Variants in FAM168B observed in about 807,000 individuals in gnomAD.
FAM168B encodes the protein family with sequence similarity 168 member B.
Under a neutral mutation model 21.8 loss-of-function variants are expected in FAM168B, and 19 were observed. That is an observed-to-expected ratio of 0.87 (90% CI 0.61 to 1.28). The LOEUF (loss-of-function observed/expected upper bound fraction) is 1.28, where lower values mean the gene tolerates loss of function less well. Among genes scored for constraint, FAM168B ranks in the 50% most tolerant of loss-of-function variants. The pLI is 0.00. For synonymous variants in FAM168B, 126 were observed against 104.8 expected (o/e 1.20, Z -1.24); for missense variants, 233 against 263.1 (o/e 0.89, Z 0.79).
chr2:131,066,680 T>C (rs1383080711), intron 3 of FAM168B, among the ~76,000 whole-genome samples: 2 of 152,312 alleles, frequency 1.3e-5, no homozygotes, highest in East Asian at 3.9e-4. Flanking sequence ...GATCGTAGGC[T>C]TGGGGCTGAA....
chr2:131,079,769 G>C (rs1393287403), intron 2 of FAM168B, among the ~76,000 whole-genome samples: 1 of 151,994 alleles, frequency 6.6e-6, no homozygotes, highest in Non-Finnish European at 1.5e-5. Flanking sequence ...CAAAAGAAAA[G>C]CAAAATAAAG....
chr2:131,081,291 G>A (rs1471222091), intron 2 of FAM168B, among the ~76,000 whole-genome samples: 1 of 152,138 alleles, frequency 6.6e-6, no homozygotes, highest in African/African-American at 2.4e-5. Context: ...TGTCATGGCT[G>A]GTGCCTCTTA....
chr2:131,087,071 A>C lies in FAM168B; in HGVS notation c.-11-4414T>G, dbSNP rs1327960555. Among the ~76,000 whole-genome samples, 20 of 93,994 alleles carry C rather than the reference A, an allele frequency of 2.1e-4. 2 individuals carry two copies. Among genetic ancestry groups the C allele is most frequent in the Admixed American group, 1.8e-3 (20 of 10,954 alleles). 61.7% of individuals were successfully genotyped at this position (93,994 alleles called of 152,430 possible). A position where few individuals can be genotyped will look rare whatever the true frequency, so the allele number is the denominator to read the frequency against. On this transcript the variant is annotated intron_variant, in intron 1 of 6. Coordinates refer to ENST00000389915, the MANE Select transcript of FAM168B (RefSeq NM_001009993.4). ...ACAGCGAGACTCCGTCTCAAAAAAA[A>C]AAAAAAAAAAAAAAGAGTCACAAGA...
rs762790022 is a variant in FAM168B at position 131,052,036 on chromosome 2, T to A, written c.*429A>T. ...CTTTAACACTTATAACTGTAAGACT[T>A]TGCATACATTACAACAGTGCATTAG... On this transcript the variant is annotated 3_prime_UTR_variant, in exon 7 of 7. Coordinates refer to ENST00000389915, the MANE Select transcript of FAM168B (RefSeq NM_001009993.4). 1.0e-6 allele frequency: 1 copy of A among 985,622 alleles called. No homozygotes were observed. The highest frequency in any genetic ancestry group is 6.1e-5 in the Admixed American group (1 of 16,270). 61.1% of individuals were successfully genotyped at this position (985,622 alleles called of 1,614,324 possible).
At position 131,052,873 on chromosome 2, in the gene FAM168B, C is replaced by G. The variant is rs978489866; in HGVS notation, c.*12+18G>C. 1 of 1,548,054 alleles carries G rather than the reference C, an allele frequency of 6.5e-7. No homozygotes were observed. The highest frequency in any genetic ancestry group is 8.7e-7 in the Non-Finnish European group (1 of 1,145,060). Reference sequence around the variant, plus strand: ...GCCCTTTCATCAAAGGCTAGCCCAGCCTTCCCTGGTCACTTACATTTGCAG... The same window carrying G: ...GCCCTTTCATCAAAGGCTAGCCCAGGCTTCCCTGGTCACTTACATTTGCAG... On this transcript the variant is annotated intron_variant, in intron 6 of 6. Coordinates refer to ENST00000389915, the MANE Select transcript of FAM168B (RefSeq NM_001009993.4).
chr2:131,079,419 G>C (rs978600753), intron 2 of FAM168B, among the ~76,000 whole-genome samples: 27 of 152,222 alleles, frequency 1.8e-4, no homozygotes, highest in African/African-American at 6.5e-4. Flanking sequence ...ATGTTGCAGA[G>C]AGCCAAGATC....
At position 131,049,511 on chromosome 2, in the gene FAM168B, G is replaced by A. The variant is rs954650194; in HGVS notation, c.*2954C>T. 31 of 985,390 alleles carry A rather than the reference G, an allele frequency of 3.1e-5. No homozygotes were observed. The East Asian group carries it at 5.7e-4, about 18-fold the overall frequency. 61.0% of individuals were successfully genotyped at this position (985,390 alleles called of 1,614,324 possible). On this transcript the variant is annotated 3_prime_UTR_variant, in exon 7 of 7. Transcript: ENST00000389915. ...GCCCTGACTCTGGCCCTCACAGAGCGGCAAGTTCATGGGTCACTGGCTCAC... is the reference window on the plus strand; with the variant it reads ...GCCCTGACTCTGGCCCTCACAGAGCAGCAAGTTCATGGGTCACTGGCTCAC...
At chr2:131,085,712 T>C (rs1693662298) in intron 1 of FAM168B, among the ~76,000 whole-genome samples, 2 of 152,218 alleles carry the variant, frequency 1.3e-5, no homozygotes, top group Non-Finnish European at 2.9e-5. Flanking sequence ...CTGAACTGTC[T>C]AATTTTTTTA....
At chr2:131,092,956 C>T (rs1037426539) in intron 1 of FAM168B, among the ~76,000 whole-genome samples, 1 of 152,088 alleles carries the variant, frequency 6.6e-6, no homozygotes, top group South Asian at 2.1e-4. Flanking sequence ...GAGAACGCCC[C>T]GCGCCGCGAA....
intron 3 of FAM168B, among the ~76,000 whole-genome samples, chr2:131,059,099 G>C (rs1045412957): frequency 3.9e-5 from 6 of 152,140 alleles, no homozygotes; most frequent in Non-Finnish European, 7.3e-5. Flanking sequence ...TGGTGACTGG[G>C]GCATTGTACC....
chr2:131,083,839 T>C (rs1480305143), intron 1 of FAM168B, among the ~76,000 whole-genome samples: 2 of 152,072 alleles, frequency 1.3e-5, no homozygotes, highest in Non-Finnish European at 2.9e-5. Flanking sequence ...TGACTCTAGA[T>C]GGGAGTGGAT....
In FAM168B at chr2:131,049,834, A is replaced by G. The variant is rs1027474482; in HGVS notation, c.*2631T>C. The G allele has an allele frequency of 1.2e-5, 12 of 985,756 alleles. No homozygotes were observed. The Admixed American group carries it at 6.1e-4, about 50-fold the overall frequency. 61.1% of individuals were successfully genotyped at this position (985,756 alleles called of 1,614,324 possible). On this transcript the variant is annotated 3_prime_UTR_variant, in exon 7 of 7. Coordinates refer to ENST00000389915, the MANE Select transcript of FAM168B (RefSeq NM_001009993.4). ...TCGGGACAAATTATGAAGCTTTGTA[A>G]CAGAATTTTGACCCAAGTTCTATTT...
chr2:131,059,138 T>A (rs1412311298), intron 3 of FAM168B, among the ~76,000 whole-genome samples: 2 of 152,164 alleles, frequency 1.3e-5, no homozygotes, highest in Admixed American at 6.5e-5. Context: ...ACCATCAACA[T>A]GGGGCCATGC....
chr2:131,076,888 C>T (rs189827416), intron 2 of FAM168B, among the ~76,000 whole-genome samples: 4 of 150,660 alleles, frequency 2.7e-5, no homozygotes, highest in Non-Finnish European at 5.9e-5. Flanking sequence ...ACTACAACTA[C>T]GCTGACTAAC....
At chr2:131,076,098 C>T (rs943647856) in intron 2 of FAM168B, among the ~76,000 whole-genome samples, 1 of 152,128 alleles carries the variant, frequency 6.6e-6, no homozygotes, top group Non-Finnish European at 1.5e-5. Flanking sequence ...TTGGGAGGAC[C>T]CCCAACACTG....
chr2:131,078,767 G>A (rs1025550210), intron 2 of FAM168B, among the ~76,000 whole-genome samples: 2 of 151,448 alleles, frequency 1.3e-5, no homozygotes, highest in Non-Finnish European at 2.9e-5. Context: ...GGTGGGATGA[G>A]CACAGGAGTT....
intron 1 of FAM168B, among the ~76,000 whole-genome samples, chr2:131,088,986 A>T (rs1288196758): frequency 1.4e-5 from 2 of 145,352 alleles, no homozygotes; most frequent in Non-Finnish European, 3.0e-5. Context: ...TTTTTTTGAG[A>T]CAGAGTTTTC....
In FAM168B at chr2:131,087,030, C is replaced by A. The variant is rs565790123; in HGVS notation, c.-11-4373G>T. Reference sequence around the variant, plus strand: ...GCAGTGAGCCGAGATTGCGCCACTGCACTCCAGCCTGGGCGACAGCGAGAC... The same window carrying A: ...GCAGTGAGCCGAGATTGCGCCACTGAACTCCAGCCTGGGCGACAGCGAGAC... On this transcript the variant is annotated intron_variant, in intron 1 of 6. Coordinates refer to ENST00000389915, the MANE Select transcript of FAM168B (RefSeq NM_001009993.4). 3.1e-4 allele frequency among the ~76,000 whole-genome samples: 24 copies of A among 77,678 alleles called. 6 individuals carry two copies. Among genetic ancestry groups the A allele is most frequent in the African/African-American group, 2.6e-3 (22 of 8,594 alleles). 51.0% of individuals were successfully genotyped at this position (77,678 alleles called of 152,430 possible).
In FAM168B at chr2:131,048,232, G is replaced by A. The variant is rs751782624; in HGVS notation, c.*4233C>T. Reference sequence around the variant, plus strand: ...TAGTTACAATCCATGAGGCTCTCTAGGGCCTCTCCGTGTGGCCAGCACAGC... The same window carrying A: ...TAGTTACAATCCATGAGGCTCTCTAAGGCCTCTCCGTGTGGCCAGCACAGC... On this transcript the variant is annotated 3_prime_UTR_variant, in exon 7 of 7. Coordinates refer to ENST00000389915, the MANE Select transcript of FAM168B (RefSeq NM_001009993.4). 3 of 1,303,538 alleles carry A rather than the reference G, an allele frequency of 2.3e-6. No homozygotes were observed. The allele number at this position is 1,303,538 out of a possible 1,614,324, so 80.7% of individuals were successfully genotyped here.
Sources: gnomAD v4.1 joint callset for allele counts (sites outside exome capture counted in the v4.1 genomes callset) on GRCh38, gnomAD v4.1.1 for gene constraint, MANE v1.5 for transcripts, NCBI Gene and HGNC (gene_info 2026-07-23, HGNC 2026-07-21) for gene names.